Variants in TG observed in about 807,000 individuals in gnomAD.
TG encodes thyroglobulin.
Under a neutral mutation model 324.7 loss-of-function variants are expected in TG, and 270 were observed. The observed-to-expected ratio is 0.83, with a 90% CI of 0.75 to 0.92. TG has a LOEUF of 0.92. Among genes scored for constraint, TG ranks in the 40% least tolerant of loss-of-function variants. The probability of loss-of-function intolerance (pLI) is 0.00; values close to 1 mark genes in which losing one functional copy is unlikely to be tolerated. For missense variants in TG, 3,591 were observed against 3,456.4 expected, an observed-to-expected ratio of 1.04 and a Z score of -0.98; for synonymous variants, 1,401 against 1,327.0, an observed-to-expected ratio of 1.06 and a Z score of -1.21.
At chr8:133,134,554 C>T in intron 47 of TG, 122 bp from the exon 48 acceptor site, 1 of 920,498 alleles carries the variant, frequency 1.1e-6, no homozygotes, top group Non-Finnish European at 1.8e-6. Flanking sequence ...AAAATTCCCT[C>T]TAAAGGGCAT....
chr8:133,011,179 C>T (rs1834473064), intron 35 of TG, among the ~76,000 whole-genome samples: 1 of 152,176 alleles, frequency 6.6e-6, no homozygotes, highest in Non-Finnish European at 1.5e-5. Context: ...ACTGATCTTC[C>T]AGTGAGCTCT....
chr8:133,014,469 T>A (rs1320583805), intron 37 of TG, among the ~76,000 whole-genome samples: 1 of 152,206 alleles, frequency 6.6e-6, no homozygotes, highest in Non-Finnish European at 1.5e-5. Context: ...CCACTAGACA[T>A]ATTTATTGGA....
Position 132,899,575 on chromosome 8 carries a change from AT to A in TG, c.3331-660del, listed in dbSNP as rs1359621602. Among the ~76,000 whole-genome samples the A allele has an allele frequency of 2.0e-5, 3 of 152,212 alleles. No homozygotes were observed. The East Asian group carries it at 5.8e-4, about 29-fold the overall frequency. ...TACAGTACTAAGCAAAAGTTTCCTT[AT>A]TATTGTTTGGTACTGTAAACATGGA... is the stretch of plus-strand genomic sequence containing the variant. On this transcript the variant is annotated intron_variant, in intron 14 of 47. Coordinates refer to ENST00000220616, the MANE Select transcript of TG (RefSeq NM_003235.5).
intron 41 of TG, among the ~76,000 whole-genome samples, chr8:133,054,580 G>A (rs1434810546): frequency 6.6e-6 from 1 of 152,208 alleles, no homozygotes; most frequent in Non-Finnish European, 1.5e-5. Context: ...TTTTCATGGA[G>A]AGCGGGGTCA....
intron 5 of TG, among the ~76,000 whole-genome samples, chr8:132,880,241 A>T (rs1330864209): frequency 6.6e-6 from 1 of 152,212 alleles, no homozygotes; most frequent in Non-Finnish European, 1.5e-5. Context: ...ACAGTGGCCC[A>T]TATACCTCAC....
At chr8:132,980,320 C>T (rs952219969) in intron 34 of TG, among the ~76,000 whole-genome samples, 2 of 152,028 alleles carry the variant, frequency 1.3e-5, no homozygotes, top group Non-Finnish European at 2.9e-5. Flanking sequence ...TGACCAATGG[C>T]CCATGACTTA....
At chr8:133,131,561 A>G (rs1411899352) in intron 45 of TG, among the ~76,000 whole-genome samples, 1 of 152,202 alleles carries the variant, frequency 6.6e-6, no homozygotes, top group Non-Finnish European at 1.5e-5. Flanking sequence ...TTATTTCCAG[A>G]GACTTCAGTG....
Position 132,923,412 on chromosome 8 carries a change from G to A in TG, c.4603G>A (p.Asp1535Asn), listed in dbSNP as rs774642343. The A allele has an allele frequency of 6.2e-7, 1 of 1,614,158 alleles. No individual in the cohort carries two copies. Residue 1535 changes from aspartate to asparagine, a missense_variant, in exon 22 of 48, where the codon GAC (aspartate) becomes AAC (asparagine). Coordinates refer to ENST00000220616, the MANE Select transcript of TG (RefSeq NM_003235.5). ...QNGQYRASQK[D>N]RGSGKAFCVD... The stretch of plus-strand genomic sequence containing the variant: ...TGGCCAGTATCGAGCCAGCCAGAAG[G>A]ACAGGGGCAGTGGGAAGGCCTTCTG...
In TG at chr8:132,967,904, G is replaced by T; in HGVS notation, c.5797G>T (p.Glu1933Ter). Residue 1933 changes from glutamate (E) to a stop codon, truncating the protein, a stop_gained, in exon 31 of 48, where the codon GAG becomes TAG. Transcript: ENST00000220616. LOFTEE classifies it high-confidence loss of function. ...GGCACAGGTGTGTGATGACATCATG[G>T]AGTCCAATGCCCAGGGCTGCAGACT... The part of the protein sequence containing the change: ...PEAQVCDDIM[E>*]SNAQGCRLIL... 6.2e-7 allele frequency: 1 copy of T among 1,613,938 alleles called. No individual in the cohort carries two copies. Among genetic ancestry groups the T allele is most frequent in the Non-Finnish European group, 8.5e-7 (1 of 1,179,934 alleles).
chr8:132,952,400 C>T (rs1332618176), intron 27 of TG, among the ~76,000 whole-genome samples: 1 of 152,170 alleles, frequency 6.6e-6, no homozygotes, highest in African/African-American at 2.4e-5. Context: ...TCCATCTGTG[C>T]AATGGGCGCA....
intron 13 of TG, 36 bp from the exon 14 acceptor site, chr8:132,898,762 C>T (rs763234766): frequency 2.1e-5 from 33 of 1,598,480 alleles, no homozygotes; most frequent in East Asian, 6.7e-5. Flanking sequence ...TTGGCTCCCA[C>T]GACCAGTCCT....
intron 41 of TG, among the ~76,000 whole-genome samples, chr8:133,042,678 C>CCTTTT (rs1554706932): frequency 0.022 from 1,271 of 56,844 alleles, 78 homozygotes; most frequent in Middle Eastern, 0.042. Context: ...CATTCTGTGT[C>CCTTTT]TTTTTTTTTT....
chr8:132,946,072 A>ACC (rs1563988038), intron 26 of TG, among the ~76,000 whole-genome samples: 1 of 44,974 alleles, frequency 2.2e-5, no homozygotes, highest in Non-Finnish European at 6.8e-5. Flanking sequence ...ACACACACAC[A>ACC]CCCTATATTT....
chr8:133,093,082 A>G (rs1234305127), intron 41 of TG, among the ~76,000 whole-genome samples: 3 of 150,760 alleles, frequency 2.0e-5, no homozygotes, highest in Non-Finnish European at 4.4e-5. Flanking sequence ...CAGAACACGG[A>G]GTTTTGAGCT....
intron 5 of TG, among the ~76,000 whole-genome samples, chr8:132,881,385 G>A (rs1302766423): frequency 6.6e-6 from 1 of 152,114 alleles, no homozygotes; most frequent in Non-Finnish European, 1.5e-5. Context: ...GGTGGCAGCT[G>A]GCTTCTTTTC....
intron 41 of TG, among the ~76,000 whole-genome samples, chr8:133,066,954 G>T (rs530782060): frequency 6.6e-6 from 1 of 152,266 alleles, no homozygotes; most frequent in East Asian, 1.9e-4. Context: ...AAATCTGATG[G>T]GGAAAGGGTT....
intron 41 of TG, chr8:133,038,542 T>C: frequency 6.2e-7 from 1 of 1,612,696 alleles, no homozygotes; most frequent in Non-Finnish European, 8.5e-7. Flanking sequence ...CAAAGTAAGG[T>C]GGTGATGAGA....
chr8:132,877,073 C>T (rs1014627137), intron 5 of TG, among the ~76,000 whole-genome samples: 15 of 152,316 alleles, frequency 9.8e-5, no homozygotes, highest in South Asian at 2.1e-4. Flanking sequence ...ACCCTCATTA[C>T]AGACACCTGT....
At chr8:132,979,211 A>T (rs1830533254) in intron 34 of TG, among the ~76,000 whole-genome samples, 1 of 152,116 alleles carries the variant, frequency 6.6e-6, no homozygotes, top group Non-Finnish European at 1.5e-5. Flanking sequence ...GGCTTCCTGG[A>T]AGGGGTGGGC....
Sources: gnomAD v4.1 joint callset for allele counts (sites outside exome capture counted in the v4.1 genomes callset) on GRCh38, gnomAD v4.1.1 for gene constraint, MANE v1.5 for transcripts, NCBI Gene and HGNC (gene_info 2026-07-23, HGNC 2026-07-21) for gene names.